GRAMD4: variants seen among roughly 807,000 people sequenced by gnomAD.
The protein encoded by GRAMD4 is GRAM domain containing 4, also known as GRAM domain-containing protein 4.
Under a neutral mutation model 83.9 loss-of-function variants are expected in GRAMD4, and 25 were observed. The observed-to-expected ratio is 0.30, with a 90% CI of 0.22 to 0.42. GRAMD4 has a LOEUF of 0.42. GRAMD4 is among the 10% of genes least tolerant of loss of function. GRAMD4 has a pLI of 1.00. For missense variants in GRAMD4, 593 were observed against 788.7 expected, an observed-to-expected ratio of 0.75 and a Z score of 2.97; for synonymous variants, 336 against 320.9, an observed-to-expected ratio of 1.05 and a Z score of -0.50.
chr22:46,680,614 C>T (rs2082660000), downstream of GRAMD4, among the ~76,000 whole-genome samples: 2 of 114,334 alleles, frequency 1.7e-5, no homozygotes, highest in Non-Finnish European at 1.9e-5. Context: ...ATTCATCCAT[C>T]CACCCACCCA....
chr22:46,582,418 G>A (rs58627489), intron 1 of GRAMD4, among the ~76,000 whole-genome samples: 5 of 151,954 alleles, frequency 3.3e-5, no homozygotes, highest in Non-Finnish European at 5.9e-5. Flanking sequence ...TCTGCTCCAC[G>A]TCCCCCCTCC....
At chr22:46,584,924 C>G (rs901833350) in intron 1 of GRAMD4, among the ~76,000 whole-genome samples, 3 of 152,246 alleles carry the variant, frequency 2.0e-5, no homozygotes, top group African/African-American at 7.2e-5. Flanking sequence ...AGAGCTCAGA[C>G]AAATCTCCGA....
intron 1 of GRAMD4, among the ~76,000 whole-genome samples, chr22:46,605,608 A>G (rs1390261607): frequency 6.6e-6 from 1 of 152,232 alleles, no homozygotes; most frequent in Non-Finnish European, 1.5e-5. Flanking sequence ...TCTCGCCAAC[A>G]CTTGTTGTTT....
chr22:46,662,431 G>T (rs1407832933), intron 5 of GRAMD4, among the ~76,000 whole-genome samples: 1 of 152,256 alleles, frequency 6.6e-6, no homozygotes, highest in African/African-American at 2.4e-5. Context: ...CCTTCCGAGG[G>T]ATTCTTCCGG....
At chr22:46,624,942 G>T (rs2081632969) in intron 1 of GRAMD4, among the ~76,000 whole-genome samples, 1 of 149,112 alleles carries the variant, frequency 6.7e-6, no homozygotes, top group South Asian at 2.1e-4. Context: ...CTCACTTCAA[G>T]CTCCGCCTCC....
intron 3 of GRAMD4, among the ~76,000 whole-genome samples, chr22:46,649,247 G>T (rs2082130368): frequency 1.3e-5 from 2 of 152,200 alleles, no homozygotes; most frequent in South Asian, 4.1e-4. Flanking sequence ...CAGGTGCTTG[G>T]CAGAGAGCCT....
chr22:46,636,342 G>A lies in GRAMD4; in HGVS notation c.163-1498G>A, dbSNP rs1271586341. ...ACCCCAAGCAGCTCCCACAGGGTCCGTCCAGCGGGCGGGACAGATGGAATC... is the reference window on the plus strand; with the variant it reads ...ACCCCAAGCAGCTCCCACAGGGTCCATCCAGCGGGCGGGACAGATGGAATC... On this transcript the variant is annotated intron_variant, in intron 2 of 18. Transcript: ENST00000406902. Among the ~76,000 whole-genome samples the A allele has an allele frequency of 5.3e-5, 8 of 152,290 alleles. No homozygotes were observed. In the South Asian group the frequency reaches 6.2e-4, roughly 12 times the overall value.
intron 15 of GRAMD4, among the ~76,000 whole-genome samples, chr22:46,674,065 G>A (rs146089286): frequency 3.3e-5 from 5 of 152,250 alleles, no homozygotes; most frequent in African/African-American, 4.8e-5. Context: ...GACAGCAGGC[G>A]TGCAGGCAAC....
intron 1 of GRAMD4, among the ~76,000 whole-genome samples, chr22:46,608,427 C>A (rs775859053): frequency 2.6e-5 from 4 of 152,226 alleles, no homozygotes; most frequent in Non-Finnish European, 2.9e-5. Context: ...ACCTGTAATT[C>A]CAGCACTTTG....
intron 3 of GRAMD4, among the ~76,000 whole-genome samples, chr22:46,639,324 G>T (rs1304095227): frequency 2.4e-5 from 2 of 82,200 alleles, no homozygotes; most frequent in African/African-American, 1.0e-4. Context: ...CCCTGTGTGT[G>T]TGTGCACGTG....
At chr22:46,666,696 T>C in intron 9 of GRAMD4, 129 bp from the exon 10 acceptor site, 2 of 752,484 alleles carry the variant, frequency 2.7e-6, no homozygotes, top group Admixed American at 3.9e-5. Context: ...TTTCTCCCCA[T>C]TGGGCAGCAT....
rs546330571 is a variant in GRAMD4 at position 46,656,876 on chromosome 22, G to A, written c.284-1311G>A. Among the ~76,000 whole-genome samples, 26 of 152,306 alleles carry A rather than the reference G, an allele frequency of 1.7e-4. No homozygotes were observed. The South Asian group carries it at 3.5e-3, about 21-fold the overall frequency. ...CAGTGTGGTCTGTGCAGTTGAAGTC[G>A]AGGCTGACTGATCTGGACCCTCAGC... On this transcript the variant is annotated intron_variant, in intron 3 of 18. Transcript: ENST00000406902.
upstream of GRAMD4, among the ~76,000 whole-genome samples, chr22:46,616,411 C>T (rs1441933428): frequency 2.2e-4 from 14 of 62,410 alleles, 1 homozygote; most frequent in African/African-American, 2.6e-4. Flanking sequence ...TTCCCCTGTG[C>T]GTGTAGGTTC....
intron 3 of GRAMD4, among the ~76,000 whole-genome samples, chr22:46,657,277 C>T (rs1386368499): frequency 6.6e-6 from 1 of 152,244 alleles, no homozygotes; most frequent in African/African-American, 2.4e-5. Flanking sequence ...CGGTCTGTTG[C>T]TCTTGTTCTT....
chr22:46,663,277 C>A, intron 6 of GRAMD4, 105 bp downstream of exon 6: 1 of 1,108,910 alleles, frequency 9.0e-7, no homozygotes, highest in Non-Finnish European at 1.3e-6. Flanking sequence ...CCAAAGCTGT[C>A]TGTGAGGCTG....
intron 3 of GRAMD4, 64 bp from the exon 4 acceptor site, chr22:46,658,123 G>A: frequency 6.2e-7 from 1 of 1,603,642 alleles, no homozygotes; most frequent in Middle Eastern, 1.7e-4. Context: ...CCCTGCCCCA[G>A]CATCCCAGAG....
At chr22:46,644,705 T>G (rs149616181) in intron 3 of GRAMD4, among the ~76,000 whole-genome samples, 5,451 of 32,834 alleles carry the variant, frequency 0.17, 70 homozygotes, top group Non-Finnish European at 0.2. Flanking sequence ...CTGTTTTTTT[T>G]TTTTTTTTTT....
At chr22:46,614,031 C>T (rs987246914) in intron 1 of GRAMD4, among the ~76,000 whole-genome samples, 1 of 152,176 alleles carries the variant, frequency 6.6e-6, no homozygotes. Context: ...TTCCCAGGAG[C>T]TGATTGATGG....
intron 1 of GRAMD4, among the ~76,000 whole-genome samples, chr22:46,587,177 G>A (rs892354339): frequency 1.3e-5 from 2 of 152,220 alleles, no homozygotes; most frequent in African/African-American, 2.4e-5. Context: ...GACCCTGTGA[G>A]AGTGGAGGCC....
Sources: allele counts gnomAD v4.1 joint callset (sites outside exome capture counted in the v4.1 genomes callset), GRCh38; gene constraint gnomAD v4.1.1; transcripts MANE v1.5; gene names NCBI Gene and HGNC (gene_info 2026-07-23, HGNC 2026-07-21).